Variants in PDHX observed in about 807,000 individuals in gnomAD.
The protein encoded by PDHX is pyruvate dehydrogenase protein X component, mitochondrial.
In PDHX, 33 loss-of-function variants were observed where a neutral mutation model predicts 55.3. That is an observed-to-expected ratio of 0.60 (90% confidence interval 0.45 to 0.80). PDHX has a LOEUF of 0.80. Among genes scored for constraint, PDHX ranks in the 30% least tolerant of loss-of-function variants. The probability of loss-of-function intolerance (pLI) is 0.00; values close to 1 mark genes in which losing one functional copy is unlikely to be tolerated. For synonymous variants in PDHX, 226 were observed against 219.4 expected, an observed-to-expected ratio of 1.03 and a Z score of -0.27; for missense variants, 622 against 619.9, an observed-to-expected ratio of 1.00 and a Z score of -0.04.
chr11:34,966,858 CTTTTTTTTT>C, intron 6 of PDHX, 44 bp downstream of exon 6: 1 of 1,264,902 alleles, frequency 7.9e-7, no homozygotes, highest in Non-Finnish European at 1.1e-6. Context: ...TCTTGTTTTT[CTTTTTTTTT>C]TTGAGACAGA....
intron 1 of PDHX, among the ~76,000 whole-genome samples, chr11:34,928,225 A>C (rs1565148824): frequency 6.6e-6 from 1 of 152,134 alleles, no homozygotes; most frequent in Non-Finnish European, 1.5e-5. Context: ...CGTAAATTGG[A>C]ATCTGGCTAT....
At chr11:34,942,636 G>T (rs1854515865) in intron 2 of PDHX, among the ~76,000 whole-genome samples, 1 of 152,092 alleles carries the variant, frequency 6.6e-6, no homozygotes, top group South Asian at 2.1e-4. Context: ...CTCATTATTT[G>T]CTCTCAGAGT....
rs181995615 is a variant in PDHX at position 34,957,317 on chromosome 11, A to G, written c.343-67A>G. 26 of 1,118,800 alleles carry G rather than the reference A, an allele frequency of 2.3e-5. No individual in the cohort carries two copies. The Admixed American group carries it at 2.9e-4, about 12-fold the overall frequency. 69.3% of individuals were successfully genotyped at this position (1,118,800 alleles called of 1,614,324 possible). A position where few individuals can be genotyped will look rare whatever the true frequency, so the allele number is the denominator to read the frequency against. On this transcript the variant is annotated intron_variant, in intron 3 of 10. Transcript: ENST00000227868. ...TCTTAAGGGGAGAATTACCCAACAA[A>G]AGAACAAACTACTTAATGCAGTCAT...
At chr11:34,918,114 C>T (rs145162183) in intron 1 of PDHX, among the ~76,000 whole-genome samples, 10 of 152,220 alleles carry the variant, frequency 6.6e-5, no homozygotes, top group Non-Finnish European at 5.9e-5. Flanking sequence ...ATGTTACAGA[C>T]TCTCTGTACA....
chr11:34,988,455 C>T lies in PDHX; in HGVS notation c.1182+3727C>T, dbSNP rs556812529. 2.6e-4 allele frequency among the ~76,000 whole-genome samples: 40 copies of T among 152,172 alleles called. 1 individual carries two copies. In the South Asian group the frequency reaches 7.7e-3, roughly 29 times the overall value. ...ATCAGACTGTAGACTAGAGCCTCCT[C>T]CCAACCACTCAGCTTTGCTGCTTCC... is the stretch of plus-strand genomic sequence containing the variant. On this transcript the variant is annotated intron_variant, in intron 9 of 10. Transcript: ENST00000227868.
intron 2 of PDHX, among the ~76,000 whole-genome samples, chr11:34,946,462 G>T (rs147532748): frequency 3.3e-5 from 5 of 151,932 alleles, no homozygotes; most frequent in African/African-American, 1.2e-4. Context: ...TGATTTCTTC[G>T]TGTGTCTCAG....
At chr11:34,941,075 T>C (rs1854464281) in intron 2 of PDHX, among the ~76,000 whole-genome samples, 1 of 6,730 alleles carries the variant, frequency 1.5e-4, no homozygotes. Context: ...GCTACTAGAC[T>C]TTAAGAAGCC....
chr11:34,969,513 T>G (rs1855210023), intron 6 of PDHX, among the ~76,000 whole-genome samples: 1 of 151,976 alleles, frequency 6.6e-6, no homozygotes, highest in Admixed American at 6.6e-5. Context: ...TCAGCTAATT[T>G]TTGTATTCTT....
intron 3 of PDHX, among the ~76,000 whole-genome samples, chr11:34,950,803 C>T (rs1240803257): frequency 6.6e-6 from 1 of 150,844 alleles, no homozygotes; most frequent in Non-Finnish European, 1.5e-5. Context: ...GGTTCCAAGT[C>T]TTTGCTATTG....
chr11:34,974,697 CAG>C (rs1236517895), intron 7 of PDHX, among the ~76,000 whole-genome samples: 3 of 152,104 alleles, frequency 2.0e-5, no homozygotes, highest in African/African-American at 7.2e-5. Flanking sequence ...AGGCTGAGGA[CAG>C]GGGTTCGAGA....
chr11:34,918,491 CAGTT>C (rs1397151356), intron 1 of PDHX, among the ~76,000 whole-genome samples: 3 of 151,570 alleles, frequency 2.0e-5, no homozygotes, highest in Admixed American at 6.6e-5. Context: ...TTTAGAAACT[CAGTT>C]AGGCAAGCAA....
At chr11:34,957,310 C>G in intron 3 of PDHX, 74 bp from the exon 4 acceptor site, 1 of 1,047,372 alleles carries the variant, frequency 9.5e-7, no homozygotes, top group South Asian at 1.3e-5. Flanking sequence ...GGAGAATTAC[C>G]CAACAAAAGA....
At chr11:34,972,564 ATTGT>A (rs930962599) in intron 7 of PDHX, among the ~76,000 whole-genome samples, 2 of 151,586 alleles carry the variant, frequency 1.3e-5, no homozygotes, top group African/African-American at 4.8e-5. Flanking sequence ...TGCCTGGCTA[ATTGT>A]TTGTATTTTT....
intron 1 of PDHX, among the ~76,000 whole-genome samples, chr11:34,922,583 ATG>A (rs1853910813): frequency 6.6e-6 from 1 of 152,190 alleles, no homozygotes; most frequent in African/African-American, 2.4e-5. Context: ...TACATCCTAA[ATG>A]AACATTTTTG....
At chr11:34,917,647 T>C (rs1853765814) in intron 1 of PDHX, among the ~76,000 whole-genome samples, 2 of 152,052 alleles carry the variant, frequency 1.3e-5, no homozygotes, top group African/African-American at 4.8e-5. Flanking sequence ...TAAATAGGTC[T>C]AGTAGACGTT....
intron 3 of PDHX, among the ~76,000 whole-genome samples, chr11:34,956,249 TTTC>T (rs1262639329): frequency 6.6e-6 from 1 of 152,146 alleles, no homozygotes; most frequent in East Asian, 1.9e-4. Context: ...CATTGCTGCT[TTTC>T]TTCTTCATCA....
chr11:34,955,877 G>T lies in PDHX; in HGVS notation c.343-1507G>T, dbSNP rs529971341. On this transcript the variant is annotated intron_variant, in intron 3 of 10. Coordinates refer to ENST00000227868, the MANE Select transcript of PDHX (RefSeq NM_003477.3). Reference sequence around the variant, plus strand: ...GGATATTGATCCTATTTCTGATTCAGTTTTGAAAGGAATTAACATCAAGTG... The same window carrying T: ...GGATATTGATCCTATTTCTGATTCATTTTTGAAAGGAATTAACATCAAGTG... Among the ~76,000 whole-genome samples, 4 of 152,138 alleles carry T rather than the reference G, an allele frequency of 2.6e-5. No individual in the cohort carries two copies. In the South Asian group the frequency reaches 8.3e-4, roughly 32 times the overall value.
chr11:34,929,968 C>A (rs779409369), intron 1 of PDHX, among the ~76,000 whole-genome samples: 2 of 152,182 alleles, frequency 1.3e-5, no homozygotes, highest in Non-Finnish European at 1.5e-5. Context: ...CTTCTTAGTA[C>A]AACCCCACTT....
chr11:34,951,043 T>C, intron 3 of PDHX, among the ~76,000 whole-genome samples: 1 of 148,130 alleles, frequency 6.8e-6, no homozygotes, highest in Non-Finnish European at 1.5e-5. Flanking sequence ...ACCTTTTGTT[T>C]CCTGACTTTT....
Sources: gnomAD v4.1 joint callset for allele counts (sites outside exome capture counted in the v4.1 genomes callset) on GRCh38, gnomAD v4.1.1 for gene constraint, MANE v1.5 for transcripts, NCBI Gene and HGNC (gene_info 2026-07-23, HGNC 2026-07-21) for gene names.